ME2: variants seen among roughly 807,000 people sequenced by gnomAD.
ME2 encodes the protein NAD-dependent malic enzyme, mitochondrial.
Under a neutral mutation model 73.7 loss-of-function variants are expected in ME2, and 60 were observed. The observed-to-expected ratio is 0.81, with a 90% CI of 0.66 to 1.01. The LOEUF (loss-of-function observed/expected upper bound fraction) is 1.01, where lower values mean the gene tolerates loss of function less well. ME2 is among the 50% of genes least tolerant of loss of function. The probability of loss-of-function intolerance (pLI) is 0.00; values close to 1 mark genes in which losing one functional copy is unlikely to be tolerated. For synonymous variants in ME2, 199 were observed against 236.9 expected (o/e 0.84, Z 1.47); for missense variants, 594 against 705.5 (o/e 0.84, Z 1.79).
chr18:50,900,706 G>A (rs1274945679), intron 2 of ME2, among the ~76,000 whole-genome samples: 1 of 152,166 alleles, frequency 6.6e-6, no homozygotes, highest in Non-Finnish European at 1.5e-5. Flanking sequence ...ACCAGGTGGA[G>A]GTAACTGAAT....
At position 50,939,194 on chromosome 18, in the gene ME2, T is replaced by C. The variant is rs574223576; in HGVS notation, c.1418-376T>C. 14 of 155,672 alleles carry C rather than the reference T, an allele frequency of 9.0e-5. No individual in the cohort carries two copies. In the South Asian group the frequency reaches 2.7e-3, roughly 30 times the overall value. 9.6% of individuals were successfully genotyped at this position (155,672 alleles called of 1,614,324 possible). On this transcript the variant is annotated intron_variant, in intron 13 of 15. Coordinates refer to ENST00000321341, the MANE Select transcript of ME2 (RefSeq NM_002396.5). ...AAAAATCACAAGAAACATAAGTTAT[T>C]TAAGAGTGAGAGAGAGAAACAATCA...
In ME2 at chr18:50,949,924, C is replaced by T. The variant is rs1918184502; in HGVS notation, c.*2740C>T. ...GAAGGACTATGAGCATTGAGGAAAT[C>T]GGGGGAGGCCAGAATGGCATCAAGC... On this transcript the variant is annotated 3_prime_UTR_variant, in exon 16 of 16. Transcript: ENST00000321341. 6.6e-6 allele frequency: 1 copy of T among 152,080 alleles called. No homozygotes were observed. The highest frequency in any genetic ancestry group is 1.5e-5 in the Non-Finnish European group (1 of 68,012). The allele number at this position is 152,080 out of a possible 1,614,324, so 9.4% of individuals were successfully genotyped here. A position where few individuals can be genotyped will look rare whatever the true frequency, so the allele number is the denominator to read the frequency against.
At chr18:50,915,202 T>C (rs1401314692) in intron 4 of ME2, among the ~76,000 whole-genome samples, 1 of 152,130 alleles carries the variant, frequency 6.6e-6, no homozygotes, top group African/African-American at 2.4e-5. Context: ...GCATACAAAA[T>C]AGTGTTAGTC....
chr18:50,919,946 T>C (rs1483297579), intron 7 of ME2, among the ~76,000 whole-genome samples: 2 of 152,142 alleles, frequency 1.3e-5, no homozygotes, highest in Non-Finnish European at 2.9e-5. Context: ...CCTGCTTTTC[T>C]TCCTAGCTCT....
At chr18:50,930,186 G>C (rs1780682053) in intron 12 of ME2, among the ~76,000 whole-genome samples, 1 of 152,040 alleles carries the variant, frequency 6.6e-6, no homozygotes, top group East Asian at 1.9e-4. Flanking sequence ...CTTGAGCCCA[G>C]GAGGTTGAGG....
chr18:50,883,334 G>A (rs1019498093), intron 1 of ME2, among the ~76,000 whole-genome samples: 2 of 152,230 alleles, frequency 1.3e-5, no homozygotes, highest in African/African-American at 4.8e-5. Context: ...CCTGTGAACA[G>A]TCTTTCTCAG....
At chr18:50,919,999 C>G (rs1290340723) in intron 7 of ME2, among the ~76,000 whole-genome samples, 1 of 152,120 alleles carries the variant, frequency 6.6e-6, no homozygotes, top group Non-Finnish European at 1.5e-5. Context: ...TTCAAGCCTT[C>G]CCTTACTACT....
intron 2 of ME2, among the ~76,000 whole-genome samples, chr18:50,902,399 C>A (rs1027346953): frequency 6.6e-6 from 1 of 152,164 alleles, no homozygotes; most frequent in African/African-American, 2.4e-5. Context: ...TGCTATTATT[C>A]TATCACCTTT....
At chr18:50,911,497 A>T (rs1431870026) in intron 3 of ME2, among the ~76,000 whole-genome samples, 1 of 152,178 alleles carries the variant, frequency 6.6e-6, no homozygotes, top group Non-Finnish European at 1.5e-5. Flanking sequence ...CAAGGAGTGG[A>T]GTGAGAGTTA....
chr18:50,947,000 CCTTA>C lies in ME2; in HGVS notation c.1588-12_1588-9del. 2 of 1,594,602 alleles carry C rather than the reference CCTTA, an allele frequency of 1.3e-6. No homozygotes were observed. Among genetic ancestry groups the C allele is most frequent in the Non-Finnish European group, 1.7e-6 (2 of 1,162,762 alleles). ...TTAATACTCAGAGCCTACACAATAA[CCTTA>C]CTTATTTTTCAGGTTACAGAATACC... On this transcript the variant is annotated splice_polypyrimidine_tract_variant and intron_variant, in intron 15 of 15. Coordinates refer to ENST00000321341, the MANE Select transcript of ME2 (RefSeq NM_002396.5).
rs1046912447 is a variant in ME2, at chr18:50,940,137, A to G, written c.1489-151A>G. ...TATTGTTTAGTGATGAACAGTTTTAATTTCTGCAGTGGTTTAAGTGTATTC... is the reference window on the plus strand; with the variant it reads ...TATTGTTTAGTGATGAACAGTTTTAGTTTCTGCAGTGGTTTAAGTGTATTC... On this transcript the variant is annotated intron_variant, in intron 14 of 15. Transcript: ENST00000321341. The G allele has an allele frequency of 8.8e-5, 55 of 628,532 alleles. No homozygotes were observed. In the African/African-American group the frequency reaches 1.0e-3, roughly 12 times the overall value. 38.9% of individuals were successfully genotyped at this position (628,532 alleles called of 1,614,324 possible).
Position 50,932,372 on chromosome 18 carries a change from C to G in ME2, c.1417+12C>G, listed in dbSNP as rs1435914466. The G allele has an allele frequency of 2.5e-6, 4 of 1,587,612 alleles. No individual in the cohort carries two copies. The highest frequency in any genetic ancestry group is 2.6e-6 in the Non-Finnish European group (3 of 1,157,144). On this transcript the variant is annotated intron_variant, in intron 13 of 15. Coordinates refer to ENST00000321341, the MANE Select transcript of ME2 (RefSeq NM_002396.5). ...TTATATTTTTCCAGGTAAATGCCAC[C>G]ATTATTTATGTTATAGAGCAATAGT...
Position 50,939,630 on chromosome 18 carries a change from A to G in ME2, c.1478A>G (p.Glu493Gly). 2 of 1,607,094 alleles carry G rather than the reference A, an allele frequency of 1.2e-6. No homozygotes were observed. Among genetic ancestry groups the G allele is most frequent in the Non-Finnish European group, 1.7e-6 (2 of 1,173,786 alleles). Reference protein sequence around the residue: ...TRHISDSVFLEAAKALTSQLT... With the variant: ...TRHISDSVFLGAAKALTSQLT... ...CATATTAGTGACAGTGTTTTCCTAG[A>G]AGCTGCAAAGGTAAATGTTTTAAAT... Residue 493 changes from glutamate to glycine, a missense_variant, in exon 14 of 16, where the codon GAA becomes GGA. Coordinates refer to ENST00000321341, the MANE Select transcript of ME2 (RefSeq NM_002396.5).
intron 11 of ME2, among the ~76,000 whole-genome samples, chr18:50,924,981 C>T (rs1917513767): frequency 6.6e-6 from 1 of 151,854 alleles, no homozygotes; most frequent in Non-Finnish European, 1.5e-5. Context: ...AAATAAACAA[C>T]CCCCCATTTT....
chr18:50,880,792 A>G (rs1916301655), intron 1 of ME2, among the ~76,000 whole-genome samples: 1 of 152,230 alleles, frequency 6.6e-6, no homozygotes, highest in South Asian at 2.1e-4. Flanking sequence ...CTTGAGAATA[A>G]TATATTTATG....
At chr18:50,938,110 A>T (rs1308500083) in intron 13 of ME2, among the ~76,000 whole-genome samples, 1 of 152,144 alleles carries the variant, frequency 6.6e-6, no homozygotes, top group Non-Finnish European at 1.5e-5. Flanking sequence ...AGAGGATTGC[A>T]TGAGTCCAGA....
chr18:50,914,176 C>G (rs1917231617), intron 4 of ME2, among the ~76,000 whole-genome samples: 4 of 152,158 alleles, frequency 2.6e-5, no homozygotes, highest in Admixed American at 6.5e-5. Context: ...AGTGAGCACC[C>G]TCAGTGATTG....
intron 2 of ME2, among the ~76,000 whole-genome samples, chr18:50,901,101 A>G (rs1447425487): frequency 6.6e-6 from 1 of 152,238 alleles, no homozygotes; most frequent in Admixed American, 6.5e-5. Context: ...CCACTTAGTT[A>G]TAATTTGCCC....
chr18:50,909,736 A>G (rs1376103800), intron 3 of ME2, among the ~76,000 whole-genome samples: 2 of 152,224 alleles, frequency 1.3e-5, no homozygotes, highest in Non-Finnish European at 2.9e-5. Context: ...TTAAATAATA[A>G]GTAAAGTAAG....
Sources: allele counts gnomAD v4.1 joint callset (sites outside exome capture counted in the v4.1 genomes callset), GRCh38; gene constraint gnomAD v4.1.1; transcripts MANE v1.5; gene names NCBI Gene and HGNC (gene_info 2026-07-23, HGNC 2026-07-21).